The following USP8 variants were observed in gnomAD, a reference collection of about 807,000 sequenced individuals.
The protein encoded by USP8 is ubiquitin specific peptidase 8.
USP8 carries 27 observed loss-of-function variants against 130.0 expected under a neutral mutation model. The ratio of observed to expected loss-of-function variants is 0.21; its 90% CI spans 0.15 to 0.29. The LOEUF (loss-of-function observed/expected upper bound fraction) is 0.29, where lower values mean the gene tolerates loss of function less well. Among genes scored for constraint, USP8 ranks in the 10% least tolerant of loss-of-function variants. The probability of loss-of-function intolerance (pLI) is 1.00; values close to 1 mark genes in which losing one functional copy is unlikely to be tolerated. For missense variants in USP8, 1,029 were observed against 1,312.2 expected (o/e 0.78, Z 3.33); for synonymous variants, 392 against 444.1 (o/e 0.88, Z 1.48).
chr15:50,467,918 T>A lies in USP8; in HGVS notation c.686+2727T>A, dbSNP rs765158034. 2.6e-4 allele frequency among the ~76,000 whole-genome samples: 40 copies of A among 151,504 alleles called. 1 individual carries two copies. Among genetic ancestry groups the A allele is most frequent in the Non-Finnish European group, 4.9e-4 (33 of 67,886 alleles). On this transcript the variant is annotated intron_variant, in intron 7 of 19. Transcript: ENST00000307179. ...GTATTTATTTTAATTTTTTAAATTT[T>A]AATTTAATTTATTTATTTTTATTTA...
chr15:50,441,216 C>A, intron 2 of USP8, 133 bp from the exon 3 acceptor site: 1 of 788,350 alleles, frequency 1.3e-6, no homozygotes. Context: ...TCATAACAGG[C>A]CGTGAACCAG....
Position 50,499,400 on chromosome 15 carries a change from C to G in USP8, c.*312C>G, listed in dbSNP as rs201720694. The G allele has an allele frequency of 1.0e-5, 2 of 193,232 alleles. No individual in the cohort carries two copies. Among genetic ancestry groups the G allele is most frequent in the Non-Finnish European group, 2.1e-5 (2 of 96,152 alleles). 12.0% of individuals were successfully genotyped at this position (193,232 alleles called of 1,614,324 possible). Reference sequence around the variant, plus strand: ...AAACTATTGTTATCTTTTTTTTTTCCTTTTCACTGTTATGGCCTTTTCACA... The same window carrying G: ...AAACTATTGTTATCTTTTTTTTTTCGTTTTCACTGTTATGGCCTTTTCACA... On this transcript the variant is annotated 3_prime_UTR_variant, in exon 20 of 20. Transcript: ENST00000307179.
At chr15:50,487,848 T>C (rs556761373) in intron 12 of USP8, among the ~76,000 whole-genome samples, 1 of 152,310 alleles carries the variant, frequency 6.6e-6, no homozygotes, top group Non-Finnish European at 1.5e-5. Context: ...GCTAAATGCT[T>C]GAGGGCAGTG....
intron 8 of USP8, among the ~76,000 whole-genome samples, chr15:50,472,088 A>AG (rs1292163129): frequency 6.6e-6 from 1 of 151,604 alleles, no homozygotes; most frequent in African/African-American, 2.4e-5. Flanking sequence ...TTTAGAAGAG[A>AG]GGGGGTTTCA....
chr15:50,431,020 A>G lies in USP8; in HGVS notation c.-66+6506A>G, dbSNP rs1162369710. ...ACATTGCACAGAGCAGCCTCTCACAACAAATGTTTATCTGGTCCAAAATGT... is the reference window on the plus strand; with the variant it reads ...ACATTGCACAGAGCAGCCTCTCACAGCAAATGTTTATCTGGTCCAAAATGT... On this transcript the variant is annotated intron_variant, in intron 1 of 19. Coordinates refer to ENST00000307179, the MANE Select transcript of USP8 (RefSeq NM_005154.5). Among the ~76,000 whole-genome samples, 3 of 152,216 alleles carry G rather than the reference A, an allele frequency of 2.0e-5. No individual in the cohort carries two copies. In the East Asian group the frequency reaches 5.8e-4, roughly 29 times the overall value.
chr15:50,493,876 AAAG>A (rs751730376), intron 15 of USP8, 191 bp from the exon 16 acceptor site: 25 of 759,354 alleles, frequency 3.3e-5, no homozygotes, highest in Middle Eastern at 4.9e-4. Context: ...CTTGCAGCCA[AAAG>A]AAGGAAGCTG....
At chr15:50,437,083 T>G (rs1250593584) in intron 1 of USP8, among the ~76,000 whole-genome samples, 1 of 152,206 alleles carries the variant, frequency 6.6e-6, no homozygotes, top group African/African-American at 2.4e-5. Flanking sequence ...CTGGATACTC[T>G]CTTCATATTT....
intron 2 of USP8, among the ~76,000 whole-genome samples, chr15:50,439,828 A>ATAATT (rs943774794): frequency 2.0e-5 from 2 of 102,464 alleles, no homozygotes; most frequent in Non-Finnish European, 3.7e-5. Context: ...AATAATAATA[A>ATAATT]TTTTTTTTTT....
rs560712530 is a variant in USP8 at position 50,443,012 on chromosome 15, G to A, written c.249+1519G>A. On this transcript the variant is annotated intron_variant, in intron 3 of 19. Coordinates refer to ENST00000307179, the MANE Select transcript of USP8 (RefSeq NM_005154.5). ...TGACTTACTGAAATAACAAAATTTC[G>A]TTTGTTCTTTGATGATCTTTTTAAA... is the stretch of plus-strand genomic sequence containing the variant. Among the ~76,000 whole-genome samples, 15 of 152,178 alleles carry A rather than the reference G, an allele frequency of 9.9e-5. 1 individual carries two copies. Among genetic ancestry groups the A allele is most frequent in the African/African-American group, 3.1e-4 (13 of 41,530 alleles).
intron 13 of USP8, 52 bp from the exon 14 acceptor site, chr15:50,490,211 T>C (rs2141316939): frequency 2.6e-6 from 4 of 1,528,026 alleles, no homozygotes; most frequent in Non-Finnish European, 2.7e-6. Flanking sequence ...TTTGTTTATA[T>C]AATGCTTATT....
chr15:50,494,327 T>C, intron 16 of USP8, 47 bp downstream of exon 16: 1 of 1,491,970 alleles, frequency 6.7e-7, no homozygotes, highest in Non-Finnish European at 9.0e-7. Context: ...TTAGGGTTGC[T>C]CAGTAGCACT....
chr15:50,438,751 C>T (rs1327492181), intron 1 of USP8, among the ~76,000 whole-genome samples: 1 of 152,094 alleles, frequency 6.6e-6, no homozygotes, highest in Non-Finnish European at 1.5e-5. Context: ...ACTGCTAGTT[C>T]CTTTGACAGG....
intron 5 of USP8, among the ~76,000 whole-genome samples, chr15:50,459,869 G>A (rs1391458357): frequency 1.6e-4 from 25 of 151,676 alleles, no homozygotes; most frequent in Non-Finnish European, 2.9e-5. Flanking sequence ...TTCTAATCAT[G>A]TAATTTACAT....
chr15:50,424,828 T>A (rs572705233), intron 1 of USP8, among the ~76,000 whole-genome samples: 13 of 115,002 alleles, frequency 1.1e-4, no homozygotes, highest in Non-Finnish European at 2.3e-4. Flanking sequence ...TGCTTCCGGT[T>A]TTTTTTTTTT....
At chr15:50,447,755 T>C (rs1393454430) in intron 3 of USP8, among the ~76,000 whole-genome samples, 1 of 151,718 alleles carries the variant, frequency 6.6e-6, no homozygotes, top group African/African-American at 2.4e-5. Flanking sequence ...GCTTATTTTT[T>C]TTTTTGTCTT....
intron 13 of USP8, 26 bp from the exon 14 acceptor site, chr15:50,490,237 G>GTTTTTTTTTTTTTT: frequency 8.1e-7 from 1 of 1,229,254 alleles, no homozygotes. Context: ...TTTTTGACCT[G>GTTTTTTTTTTTTTT]TTTTTTTTTT....
At chr15:50,460,868 C>T (rs2050970508) in intron 5 of USP8, among the ~76,000 whole-genome samples, 1 of 151,654 alleles carries the variant, frequency 6.6e-6, no homozygotes, top group Non-Finnish European at 1.5e-5. Flanking sequence ...ATTAAAAAGT[C>T]GTTGTTGGCT....
intron 3 of USP8, among the ~76,000 whole-genome samples, chr15:50,445,391 C>T (rs1317369319): frequency 6.8e-6 from 1 of 146,972 alleles, no homozygotes; most frequent in Admixed American, 6.9e-5. Context: ...ACTAAAAATA[C>T]AAAAATTAGC....
intron 1 of USP8, 44 bp downstream of exon 1, chr15:50,424,558 C>A: frequency 5.0e-6 from 2 of 398,486 alleles, no homozygotes; most frequent in South Asian, 2.6e-4. Context: ...TCTGGGAAGT[C>A]GTCCGCTGTG....
Sources: gnomAD v4.1 joint callset for allele counts (sites outside exome capture counted in the v4.1 genomes callset) on GRCh38, gnomAD v4.1.1 for gene constraint, MANE v1.5 for transcripts, NCBI Gene and HGNC (gene_info 2026-07-23, HGNC 2026-07-21) for gene names.